The following ANKS1B variants were observed in gnomAD, a reference collection of about 807,000 sequenced individuals.
ANKS1B encodes the protein ankyrin repeat and sterile alpha motif domain-containing protein 1B.
ANKS1B carries 36 observed loss-of-function variants against 148.3 expected under a neutral mutation model. That is an observed-to-expected ratio of 0.24 (90% CI 0.19 to 0.32). The LOEUF is 0.32. ANKS1B is among the 10% of genes least tolerant of loss of function. The pLI, the probability that ANKS1B is intolerant of heterozygous loss-of-function variation, is 1.00. For synonymous variants in ANKS1B, 542 were observed against 560.8 expected (o/e 0.97, Z 0.47); for missense variants, 1,157 against 1,542.6 (o/e 0.75, Z 4.19).
intron 26 of ANKS1B, among the ~76,000 whole-genome samples, chr12:98,746,976 A>T (rs1480779724): frequency 6.6e-6 from 1 of 152,366 alleles, no homozygotes; most frequent in Non-Finnish European, 1.5e-5. Flanking sequence ...GGAAGAAAAC[A>T]TTGGGGAAAC....
rs561344838 is a variant in ANKS1B, at chr12:99,414,985, T to C, written c.1576-15174A>G. ...CGTATGAGTTAGTTTCTTCATACAA[T>C]GTATTCAAATCTTCATTGGAAAGAC... On this transcript the variant is annotated intron_variant, in intron 11 of 26. Coordinates refer to ENST00000683438, the MANE Select transcript of ANKS1B (RefSeq NM_001352186.2). Among the ~76,000 whole-genome samples the C allele has an allele frequency of 3.3e-5, 5 of 152,356 alleles. 1 individual carries two copies. The highest frequency in any genetic ancestry group is 9.6e-5 in the African/African-American group (4 of 41,588).
chr12:99,783,190 C>CAAAAAA (rs766608067), intron 4 of ANKS1B, among the ~76,000 whole-genome samples: 1 of 62,380 alleles, frequency 1.6e-5, no homozygotes, highest in Non-Finnish European at 3.4e-5. Context: ...GAATCCATCG[C>CAAAAAA]AAAAAAAAAA....
At chr12:99,065,879 G>A (rs2044126586) in intron 16 of ANKS1B, among the ~76,000 whole-genome samples, 1 of 152,192 alleles carries the variant, frequency 6.6e-6, no homozygotes, top group Admixed American at 6.5e-5. Context: ...TCTGTTAGAA[G>A]GTGATAAGTG....
chr12:99,152,905 C>T (rs1391133695), intron 15 of ANKS1B, among the ~76,000 whole-genome samples: 1 of 152,086 alleles, frequency 6.6e-6, no homozygotes, highest in African/African-American at 2.4e-5. Flanking sequence ...GCCCAGTGTT[C>T]TAAGACTTTC....
chr12:99,215,159 A>G (rs2083964039), intron 14 of ANKS1B, among the ~76,000 whole-genome samples: 2 of 152,232 alleles, frequency 1.3e-5, no homozygotes, highest in African/African-American at 2.4e-5. Context: ...GCAATCCCCA[A>G]GCCTTTGTGG....
chr12:99,199,567 G>A (rs1402624445), intron 14 of ANKS1B, among the ~76,000 whole-genome samples: 1 of 152,020 alleles, frequency 6.6e-6, no homozygotes, highest in Non-Finnish European at 1.5e-5. Flanking sequence ...CCTTGTGTCT[G>A]TATTTTTTTC....
At position 99,099,842 on chromosome 12, in the gene ANKS1B, C is replaced by A. The variant is rs1448386812; in HGVS notation, c.2527-14819G>T. On this transcript the variant is annotated intron_variant, in intron 15 of 26. Coordinates refer to ENST00000683438, the MANE Select transcript of ANKS1B (RefSeq NM_001352186.2). ...CACCATGACAAGTCTAAAGAGAGAC[C>A]ACAAAAGGAAGGAAAAAGGTTTGTA... 3 of 151,830 alleles carry A rather than the reference C, an allele frequency of 2.0e-5. No individual in the cohort carries two copies. The East Asian group carries it at 5.8e-4, about 29-fold the overall frequency. The allele number at this position is 151,830 out of a possible 1,614,324, so 9.4% of individuals were successfully genotyped here.
intron 9 of ANKS1B, among the ~76,000 whole-genome samples, chr12:99,536,759 T>A (rs1242653223): frequency 6.6e-6 from 1 of 152,158 alleles, no homozygotes; most frequent in African/African-American, 2.4e-5. Context: ...CCATTGAGTT[T>A]CAAACACTCC....
chr12:98,758,780 C>CTTTTTTTT (rs59375322), intron 25 of ANKS1B, among the ~76,000 whole-genome samples: 1 of 120,630 alleles, frequency 8.3e-6, no homozygotes, highest in African/African-American at 3.2e-5. Flanking sequence ...CTTTTCCTTC[C>CTTTTTTTT]TTTTTTTTTT....
chr12:99,685,117 A>G (rs1485517142), intron 8 of ANKS1B, among the ~76,000 whole-genome samples: 1 of 152,210 alleles, frequency 6.6e-6, no homozygotes, highest in African/African-American at 2.4e-5. Flanking sequence ...AAAAGAAATA[A>G]TCAGCAGAGT....
intron 9 of ANKS1B, among the ~76,000 whole-genome samples, chr12:99,521,842 A>G (rs1402588448): frequency 6.6e-6 from 1 of 152,188 alleles, no homozygotes; most frequent in African/African-American, 2.4e-5. Flanking sequence ...AAGCCAGCAC[A>G]GCACTGGGTC....
intron 25 of ANKS1B, among the ~76,000 whole-genome samples, chr12:98,769,101 T>A (rs923907926): frequency 6.6e-6 from 1 of 150,632 alleles, no homozygotes; most frequent in African/African-American, 2.4e-5. Flanking sequence ...CAATTAAAAA[T>A]GTATACATAC....
At chr12:99,206,923 C>G (rs1233473435) in intron 14 of ANKS1B, among the ~76,000 whole-genome samples, 1 of 152,174 alleles carries the variant, frequency 6.6e-6, no homozygotes, top group Non-Finnish European at 1.5e-5. Context: ...CTGGTCTAAA[C>G]AAGCCTGACC....
At chr12:99,429,180 G>C (rs1028717313) in intron 11 of ANKS1B, among the ~76,000 whole-genome samples, 4 of 151,962 alleles carry the variant, frequency 2.6e-5, no homozygotes, top group Non-Finnish European at 4.4e-5. Context: ...CGAAGAGAAA[G>C]AGTAACCTTA....
At position 99,736,635 on chromosome 12, in the gene ANKS1B, A is replaced by G. The variant is rs377606307; in HGVS notation, c.1128+36287T>C. On this transcript the variant is annotated intron_variant, in intron 8 of 26. Coordinates refer to ENST00000683438, the MANE Select transcript of ANKS1B (RefSeq NM_001352186.2). ...GAAAGACATCCCATGTTCACAGATC[A>G]GAGGAATTTTATGGCAAAGAATTCA... 4.8e-4 allele frequency among the ~76,000 whole-genome samples: 73 copies of G among 152,080 alleles called. No individual in the cohort carries two copies. The Middle Eastern group carries it at 0.017, about 35-fold the overall frequency.
At chr12:99,191,938 C>T (rs2080772426) in intron 14 of ANKS1B, among the ~76,000 whole-genome samples, 2 of 151,948 alleles carry the variant, frequency 1.3e-5, no homozygotes, top group Admixed American at 1.3e-4. Context: ...TTGAGACCAG[C>T]CTTACCAACA....
intron 19 of ANKS1B, among the ~76,000 whole-genome samples, chr12:98,814,454 T>C (rs987838819): frequency 2.0e-5 from 3 of 152,256 alleles, no homozygotes; most frequent in Non-Finnish European, 4.4e-5. Flanking sequence ...TGGTGCCACT[T>C]GTGCCTTTCA....
At chr12:99,579,501 CAACAAA>C (rs1158722652) in intron 9 of ANKS1B, among the ~76,000 whole-genome samples, 1 of 151,800 alleles carries the variant, frequency 6.6e-6, no homozygotes, top group African/African-American at 2.4e-5. Flanking sequence ...ACAAAATCAA[CAACAAA>C]AACAAATAAC....
chr12:98,850,321 T>C (rs773200998), intron 17 of ANKS1B, among the ~76,000 whole-genome samples: 5 of 152,280 alleles, frequency 3.3e-5, no homozygotes, highest in Non-Finnish European at 7.4e-5. Flanking sequence ...TATGAGAAAT[T>C]ATAAGTGCCT....
Sources: gnomAD v4.1 joint callset for allele counts (sites outside exome capture counted in the v4.1 genomes callset) on GRCh38, gnomAD v4.1.1 for gene constraint, MANE v1.5 for transcripts, NCBI Gene and HGNC (gene_info 2026-07-23, HGNC 2026-07-21) for gene names.